The following CFAP53 variants were observed in gnomAD, a reference collection of about 807,000 sequenced individuals.
The protein encoded by CFAP53 is cilia- and flagella-associated protein 53.
A neutral mutation model predicts 59.7 loss-of-function variants in CFAP53; 62 were observed. The observed-to-expected ratio is 1.04, with a 90% CI of 0.85 to 1.28. The LOEUF (loss-of-function observed/expected upper bound fraction) is 1.28. Among genes scored for constraint, CFAP53 ranks in the 50% most tolerant of loss-of-function variants. CFAP53 has a pLI of 0.00. For missense variants in CFAP53, 629 were observed against 615.6 expected (o/e 1.02, Z -0.23); for synonymous variants, 218 against 205.7 (o/e 1.06, Z -0.51).
intron 3 of CFAP53, chr18:50,256,596 T>C (rs1483062415): frequency 6.6e-6 from 1 of 152,188 alleles, no homozygotes; most frequent in African/African-American, 2.4e-5. Context: ...TTTTAGCAGC[T>C]GCATCTGCAA....
rs1402954221 is a variant in CFAP53 at position 50,238,592 on chromosome 18, C to G, written c.1316+11G>C. ...AGGTAGCAAATGATGATACAGAAAACAAAATCATACCTTGCAAAATTCTCC... is the reference window on the plus strand; with the variant it reads ...AGGTAGCAAATGATGATACAGAAAAGAAAATCATACCTTGCAAAATTCTCC... On this transcript the variant is annotated intron_variant, in intron 7 of 7. Transcript: ENST00000398545. 6.3e-7 allele frequency: 1 copy of G among 1,599,174 alleles called. No homozygotes were observed. Among genetic ancestry groups the G allele is most frequent in the Non-Finnish European group, 8.5e-7 (1 of 1,170,032 alleles).
At chr18:50,240,795 G>C (rs1193607588) in intron 6 of CFAP53, among the ~76,000 whole-genome samples, 1 of 152,160 alleles carries the variant, frequency 6.6e-6, no homozygotes, top group Non-Finnish European at 1.5e-5. Flanking sequence ...TTAATGAATG[G>C]GACCAGGATG....
chr18:50,238,806 C>A, intron 6 of CFAP53, 101 bp from the exon 7 acceptor site: 2 of 789,684 alleles, frequency 2.5e-6, no homozygotes, highest in East Asian at 2.7e-5. Flanking sequence ...AAAGGCAGAG[C>A]TTAGAATCAA....
At chr18:50,246,282 A>C (rs2033743689) in intron 5 of CFAP53, among the ~76,000 whole-genome samples, 1 of 152,226 alleles carries the variant, frequency 6.6e-6, no homozygotes, top group African/African-American at 2.4e-5. Context: ...AGAGATATAG[A>C]TTGATGGAAT....
chr18:50,256,002 G>A (rs2033844136), intron 3 of CFAP53: 1 of 152,190 alleles, frequency 6.6e-6, no homozygotes, highest in Non-Finnish European at 1.5e-5. Context: ...ATGCTGAGGA[G>A]TTGGCAGTGC....
intron 1 of CFAP53, among the ~76,000 whole-genome samples, chr18:50,264,188 A>G (rs1195437442): frequency 6.6e-6 from 1 of 152,220 alleles, no homozygotes; most frequent in Non-Finnish European, 1.5e-5. Context: ...ATGTGTGACT[A>G]GTGGCTACCT....
chr18:50,240,554 T>C (rs982593080), intron 6 of CFAP53, among the ~76,000 whole-genome samples: 1 of 152,206 alleles, frequency 6.6e-6, no homozygotes, highest in Non-Finnish European at 1.5e-5. Flanking sequence ...GCTCTCGCTA[T>C]TGTTCCATCT....
At chr18:50,263,030 C>T (rs945772115) in intron 1 of CFAP53, among the ~76,000 whole-genome samples, 2 of 152,164 alleles carry the variant, frequency 1.3e-5, no homozygotes, top group African/African-American at 4.8e-5. Context: ...TATATAGATA[C>T]ACTTAATGAA....
At chr18:50,232,169 A>G (rs549105834) in intron 7 of CFAP53, among the ~76,000 whole-genome samples, 2 of 152,358 alleles carry the variant, frequency 1.3e-5, no homozygotes, top group East Asian at 3.9e-4. Flanking sequence ...CCCAAGCAGC[A>G]TGTTTTCTAG....
intron 7 of CFAP53, among the ~76,000 whole-genome samples, chr18:50,228,301 T>C (rs1019725731): frequency 1.3e-5 from 2 of 152,098 alleles, no homozygotes; most frequent in African/African-American, 4.8e-5. Flanking sequence ...GCCTGTTTTC[T>C]GCTCTGCTGT....
rs945586395 is a variant in CFAP53 at position 50,258,856 on chromosome 18, G to A, written c.473+2208C>T. The stretch of plus-strand genomic sequence containing the variant: ...ATGGCAAACAGGCATATGAAAAGGT[G>A]CCCAACATCACAGATCATCAGAGAA... On this transcript the variant is annotated intron_variant, in intron 3 of 7. Transcript: ENST00000398545. Among the ~76,000 whole-genome samples, 10 of 152,182 alleles carry A rather than the reference G, an allele frequency of 6.6e-5. No individual in the cohort carries two copies. The South Asian group carries it at 1.0e-3, about 16-fold the overall frequency.
intron 5 of CFAP53, among the ~76,000 whole-genome samples, chr18:50,248,627 T>C (rs912969960): frequency 3.4e-5 from 5 of 148,378 alleles, no homozygotes; most frequent in African/African-American, 7.5e-5. Flanking sequence ...CTACTAAAAA[T>C]AGAAAAAATT....
intron 1 of CFAP53, among the ~76,000 whole-genome samples, chr18:50,265,777 C>A (rs1473541451): frequency 6.6e-6 from 1 of 152,236 alleles, no homozygotes; most frequent in Non-Finnish European, 1.5e-5. Flanking sequence ...GCCTTAGAGG[C>A]AGGCACCTGA....
At chr18:50,262,495 G>T (rs1465872010) in intron 1 of CFAP53, among the ~76,000 whole-genome samples, 2 of 152,146 alleles carry the variant, frequency 1.3e-5, no homozygotes, top group Non-Finnish European at 2.9e-5. Context: ...ATGTGAACAG[G>T]ACTCTGTTGA....
intron 1 of CFAP53, among the ~76,000 whole-genome samples, chr18:50,263,130 T>C (rs567148146): frequency 6.6e-6 from 1 of 152,234 alleles, no homozygotes; most frequent in South Asian, 2.1e-4. Context: ...AATGAATGAA[T>C]GAATGAGTGA....
At chr18:50,247,630 T>C (rs2033757383) in intron 5 of CFAP53, among the ~76,000 whole-genome samples, 1 of 152,210 alleles carries the variant, frequency 6.6e-6, no homozygotes, top group African/African-American at 2.4e-5. Flanking sequence ...TTCAGCCACA[T>C]AAACAAATAA....
At chr18:50,248,129 T>TAA (rs60474914) in intron 5 of CFAP53, among the ~76,000 whole-genome samples, 3,839 of 134,842 alleles carry the variant, frequency 0.028, 131 homozygotes, top group African/African-American at 0.08. Flanking sequence ...CAACAAAAAT[T>TAA]AAAAAAAAAA....
intron 6 of CFAP53, among the ~76,000 whole-genome samples, chr18:50,242,200 A>T (rs150044146): frequency 6.6e-6 from 1 of 152,158 alleles, no homozygotes; most frequent in African/African-American, 2.4e-5. Flanking sequence ...TTCAGGGTGC[A>T]TTGATTTCAT....
Position 50,250,993 on chromosome 18 carries a change from A to G in CFAP53, c.778-17T>C, listed in dbSNP as rs2033793777. 1.9e-6 allele frequency: 3 copies of G among 1,592,114 alleles called. No individual in the cohort carries two copies. Among genetic ancestry groups the G allele is most frequent in the African/African-American group, 1.3e-5 (1 of 74,438 alleles). The stretch of plus-strand genomic sequence containing the variant: ...GTTACTTTCCTAAGGTAGAATCATA[A>G]TAAAGATAATGCATCAGTACAGTTG... On this transcript the variant is annotated splice_polypyrimidine_tract_variant and intron_variant, in intron 4 of 7. Transcript: ENST00000398545.
Sources: gnomAD v4.1 joint callset for allele counts (sites outside exome capture counted in the v4.1 genomes callset) on GRCh38, gnomAD v4.1.1 for gene constraint, MANE v1.5 for transcripts, NCBI Gene and HGNC (gene_info 2026-07-23, HGNC 2026-07-21) for gene names.